NCOA3: variants seen among roughly 807,000 people sequenced by gnomAD.
The protein encoded by NCOA3 is CBP-interacting protein.
A neutral mutation model predicts 158.8 loss-of-function variants in NCOA3; 51 were observed. That is an observed-to-expected ratio of 0.32 (90% CI 0.26 to 0.41). The LOEUF (loss-of-function observed/expected upper bound fraction) is 0.41, where lower values mean the gene tolerates loss of function less well. Ranked by LOEUF, NCOA3 falls within the 10% of genes least tolerant of loss-of-function variation. The pLI is 1.00. For synonymous variants in NCOA3, 537 were observed against 592.4 expected (o/e 0.91, Z 1.36); for missense variants, 1,510 against 1,746.6 (o/e 0.86, Z 2.41).
chr20:47,642,311 T>C lies in NCOA3; in HGVS notation c.3179T>C (p.Leu1060Pro). ...ERALLDQLHT[L>P]LSNTDATGLE... Reference sequence around the variant, plus strand: ...GCATTATTGGACCAGCTGCACACTCTTCTCAGCAACACAGATGCCACAGGC... The same window carrying C: ...GCATTATTGGACCAGCTGCACACTCCTCTCAGCAACACAGATGCCACAGGC... Residue 1060 changes from leucine (L) to proline (P), a missense_variant, in exon 17 of 23, where the codon CTT (leucine) becomes CCT (proline). Around this residue, in one of 4 missense-constraint regions of NCOA3, gnomAD observed 1,017 missense variants for 1,098.3 expected, o/e 0.93. Transcript: ENST00000371998. 1 of 1,613,646 alleles carries C rather than the reference T, an allele frequency of 6.2e-7. No individual in the cohort carries two copies. The highest frequency in any genetic ancestry group is 8.5e-7 in the Non-Finnish European group (1 of 1,179,898).
Position 47,625,376 on chromosome 20 carries a change from T to C in NCOA3, c.257-5T>C. 6.2e-7 allele frequency: 1 copy of C among 1,600,532 alleles called. No individual in the cohort carries two copies. The highest frequency in any genetic ancestry group is 1.1e-5 in the South Asian group (1 of 90,758). On this transcript the variant is annotated splice_polypyrimidine_tract_variant and splice_region_variant and intron_variant, in intron 4 of 22. Transcript: ENST00000371998. Reference sequence around the variant, plus strand: ...TATTCGTTATACCACCTTCTGTCTTTTCAGGAAAAACTATTTCCAATGATG... The same window carrying C: ...TATTCGTTATACCACCTTCTGTCTTCTCAGGAAAAACTATTTCCAATGATG...
intron 1 of NCOA3, among the ~76,000 whole-genome samples, chr20:47,576,987 A>G (rs1006061051): frequency 1.3e-5 from 2 of 152,238 alleles, no homozygotes; most frequent in Admixed American, 1.3e-4. Context: ...ACCATTGGAT[A>G]AGAGCTAATA....
chr20:47,637,372 G>A (rs916020135), intron 12 of NCOA3, among the ~76,000 whole-genome samples: 1 of 152,172 alleles, frequency 6.6e-6, no homozygotes, highest in African/African-American at 2.4e-5. Context: ...GCTAGTGACT[G>A]TTACCTGCAA....
intron 1 of NCOA3, among the ~76,000 whole-genome samples, chr20:47,542,009 G>T (rs1386788942): frequency 1.6e-4 from 9 of 56,354 alleles, no homozygotes; most frequent in South Asian, 6.0e-4. Flanking sequence ...GCCCTGTAGA[G>T]TTTTTTTTTT....
chr20:47,593,334 ATTTTTTTTTT>A lies in NCOA3; in HGVS notation c.-20+10092_-20+10101del, dbSNP rs71183267. Among the ~76,000 whole-genome samples the A allele has an allele frequency of 2.8e-3, 179 of 63,752 alleles. 1 individual carries two copies. Among genetic ancestry groups the A allele is most frequent in the Middle Eastern group, 0.017 (1 of 58 alleles). 41.8% of individuals were successfully genotyped at this position (63,752 alleles called of 152,430 possible). A position where few individuals can be genotyped will look rare whatever the true frequency, so the allele number is the denominator to read the frequency against. On this transcript the variant is annotated intron_variant, in intron 2 of 22. Coordinates refer to ENST00000371998, the MANE Select transcript of NCOA3 (RefSeq NM_181659.3). Reference sequence around the variant, plus strand: ...GGAGTACCTCCTCTTGAGTTGATGGATTTTTTTTTTTTTTTTTTTTTTTTTTTTGAGACAG... The same window carrying A: ...GGAGTACCTCCTCTTGAGTTGATGGATTTTTTTTTTTTTTTTTTGAGACAG...
chr20:47,572,646 C>G (rs779141181), intron 1 of NCOA3, among the ~76,000 whole-genome samples: 1 of 152,008 alleles, frequency 6.6e-6, no homozygotes, highest in Non-Finnish European at 1.5e-5. Flanking sequence ...AAGTGATTCT[C>G]CTGCCTTAGC....
In NCOA3 at chr20:47,559,172, A is replaced by G. The variant is rs547539240; in HGVS notation, c.-98-24011A>G. Among the ~76,000 whole-genome samples the G allele has an allele frequency of 3.9e-5, 6 of 152,130 alleles. No individual in the cohort carries two copies. The South Asian group carries it at 8.3e-4, about 21-fold the overall frequency. ...GTTTGGGGGCAGGTAAACCAACTCA[A>G]TGCCTTCATTGTTGAACTTATAGGC... On this transcript the variant is annotated intron_variant, in intron 1 of 22. Transcript: ENST00000371998.
intron 3 of NCOA3, 134 bp downstream of exon 3, chr20:47,622,464 C>T (rs2086257381): frequency 5.6e-6 from 3 of 540,164 alleles, no homozygotes; most frequent in African/African-American, 4.0e-5. Context: ...TAGAGTGTTA[C>T]TGATGAGATG....
At chr20:47,511,558 T>TATATATATATACACACACACATACA (rs1569310957) in intron 1 of NCOA3, among the ~76,000 whole-genome samples, 1 of 31,918 alleles carries the variant, frequency 3.1e-5, no homozygotes, top group African/African-American at 6.0e-5. Context: ...TATATATATT[T>TATATATATATACACACACACATACA]CTTTTTTTTT....
chr20:47,600,449 T>G (rs903682702), intron 2 of NCOA3, among the ~76,000 whole-genome samples: 2 of 151,980 alleles, frequency 1.3e-5, no homozygotes, highest in Non-Finnish European at 2.9e-5. Flanking sequence ...GTGGTGGGAT[T>G]TCAGGCGTGA....
rs183317145 is a variant in NCOA3 at position 47,511,000 on chromosome 20, A to T, written c.-99+8981A>T. ...TTGTTGCCTACTCTTCCATGCACAG[A>T]CATACTTAATCAGTGATTATTATGC... On this transcript the variant is annotated intron_variant, in intron 1 of 22. Coordinates refer to ENST00000371998, the MANE Select transcript of NCOA3 (RefSeq NM_181659.3). Among the ~76,000 whole-genome samples the T allele has an allele frequency of 3.8e-3, 573 of 152,164 alleles. 6 individuals are homozygous for T. Among genetic ancestry groups the T allele is most frequent in the African/African-American group, 0.013 (543 of 41,540 alleles).
intron 2 of NCOA3, among the ~76,000 whole-genome samples, chr20:47,610,497 G>A (rs1461868533): frequency 2.6e-5 from 4 of 152,174 alleles, no homozygotes; most frequent in Non-Finnish European, 5.9e-5. Flanking sequence ...TGGGATTACA[G>A]GTGTGAGCTA....
intron 2 of NCOA3, among the ~76,000 whole-genome samples, chr20:47,609,858 TCTC>T (rs752080008): frequency 1.3e-5 from 2 of 152,218 alleles, no homozygotes; most frequent in Non-Finnish European, 1.5e-5. Context: ...ATGATGTACT[TCTC>T]CTCCTCTTTG....
In NCOA3 at chr20:47,656,186, A is replaced by C. The variant is rs1008931242; in HGVS notation, c.*2769A>C. The C allele has an allele frequency of 2.0e-5, 3 of 150,688 alleles. No homozygotes were observed. The highest frequency in any genetic ancestry group is 4.4e-5 in the Non-Finnish European group (3 of 67,674). 9.3% of individuals were successfully genotyped at this position (150,688 alleles called of 1,614,324 possible). ...TAAATAAAATATATATATTTTATAAAGATCAGAATGATATAAAGGAGATAC... is the reference window on the plus strand; with the variant it reads ...TAAATAAAATATATATATTTTATAACGATCAGAATGATATAAAGGAGATAC... On this transcript the variant is annotated 3_prime_UTR_variant, in exon 23 of 23. Coordinates refer to ENST00000371998, the MANE Select transcript of NCOA3 (RefSeq NM_181659.3).
At chr20:47,649,561 G>T (rs2146345209) in intron 19 of NCOA3, among the ~76,000 whole-genome samples, 1 of 152,056 alleles carries the variant, frequency 6.6e-6, no homozygotes, top group East Asian at 1.9e-4. Flanking sequence ...TAGTAGGAGG[G>T]GATATTAAAA....
chr20:47,526,759 G>C (rs1335608885), intron 1 of NCOA3, among the ~76,000 whole-genome samples: 3 of 152,068 alleles, frequency 2.0e-5, no homozygotes, highest in African/African-American at 4.8e-5. Flanking sequence ...TGGAAAGAGA[G>C]GGAGAGGGAG....
chr20:47,577,270 G>T (rs866687202), intron 1 of NCOA3, among the ~76,000 whole-genome samples: 19 of 152,074 alleles, frequency 1.2e-4, no homozygotes, highest in African/African-American at 3.9e-4. Flanking sequence ...TTCATAGAAG[G>T]TTTTTTGTCT....
intron 2 of NCOA3, among the ~76,000 whole-genome samples, chr20:47,591,246 TTTAAG>T (rs1254933953): frequency 4.6e-5 from 7 of 152,246 alleles, no homozygotes; most frequent in African/African-American, 1.7e-4. Context: ...TGTAGTCACT[TTTAAG>T]TTGTCTGCTT....
chr20:47,555,050 G>A (rs1385010512), intron 1 of NCOA3, among the ~76,000 whole-genome samples: 1 of 152,122 alleles, frequency 6.6e-6, no homozygotes, highest in Non-Finnish European at 1.5e-5. Flanking sequence ...CAGAAATAAT[G>A]CTGCATATCT....
Sources: allele counts gnomAD v4.1 joint callset (sites outside exome capture counted in the v4.1 genomes callset), GRCh38; gene constraint gnomAD v4.1.1; regional missense constraint gnomAD v4.1.1; transcripts MANE v1.5; gene names NCBI Gene and HGNC (gene_info 2026-07-23, HGNC 2026-07-21).